The following NFU1 variants were observed in gnomAD, a reference collection of about 807,000 sequenced individuals.
NFU1 encodes NFU1 iron-sulfur cluster scaffold, also known as NFU1 iron-sulfur cluster scaffold homolog, mitochondrial.
NFU1 carries 30 observed loss-of-function variants against 32.2 expected under a neutral mutation model. The ratio of observed to expected loss-of-function variants is 0.93; its 90% confidence interval spans 0.70 to 1.26. The LOEUF (loss-of-function observed/expected upper bound fraction) is 1.26. NFU1 is among the 50% of genes most tolerant of loss of function. The probability of loss-of-function intolerance (pLI) is 0.00; values close to 1 mark genes in which losing one functional copy is unlikely to be tolerated. For missense variants in NFU1, 306 were observed against 306.6 expected (o/e 1.00, Z 0.02); for synonymous variants, 112 against 104.6 (o/e 1.07, Z -0.43).
upstream of NFU1, among the ~76,000 whole-genome samples, chr2:69,438,641 T>C (rs543767956): frequency 5.3e-5 from 8 of 151,906 alleles, no homozygotes; most frequent in African/African-American, 1.7e-4. Context: ...AGAGGACTGG[T>C]TTCCAGAATG....
chr2:69,406,099 A>T lies in NFU1; in HGVS notation c.485-17T>A, dbSNP rs1414122448. ...CTTCAGATCCTAGAAATAATTACAT[A>T]TAAAAACATCAAGAGTAGAAATTTT... is the stretch of plus-strand genomic sequence containing the variant. On this transcript the variant is annotated splice_polypyrimidine_tract_variant and intron_variant, in intron 5 of 7. Transcript: ENST00000410022. The T allele has an allele frequency of 6.6e-7, 1 of 1,504,718 alleles. No homozygotes were observed. Among genetic ancestry groups the T allele is most frequent in the South Asian group, 1.1e-5 (1 of 88,802 alleles). 93.2% of individuals were successfully genotyped at this position (1,504,718 alleles called of 1,614,324 possible).
At chr2:69,427,434 C>A (rs1196652232) in intron 2 of NFU1, among the ~76,000 whole-genome samples, 1 of 151,762 alleles carries the variant, frequency 6.6e-6, no homozygotes, top group Non-Finnish European at 1.5e-5. Context: ...GTAATCTCAG[C>A]ACTTTGGGAG....
intron 1 of NFU1, among the ~76,000 whole-genome samples, chr2:69,437,013 C>A (rs140520955): frequency 6.6e-6 from 1 of 152,228 alleles, no homozygotes; most frequent in African/African-American, 2.4e-5. Flanking sequence ...GGAGGGAATG[C>A]ACCCGGTAGA....
intron 1 of NFU1, among the ~76,000 whole-genome samples, chr2:69,433,662 GACAGGGTTTC>G (rs1393311962): frequency 6.6e-5 from 10 of 152,186 alleles, no homozygotes; most frequent in African/African-American, 2.2e-4. Context: ...TTTTAGTAGA[GACAGGGTTTC>G]ACCACGTTGG....
intron 6 of NFU1, among the ~76,000 whole-genome samples, chr2:69,401,272 A>T (rs1672514551): frequency 6.6e-6 from 1 of 152,132 alleles, no homozygotes; most frequent in Non-Finnish European, 1.5e-5. Flanking sequence ...CCACAACAAA[A>T]ATGCTGCCAT....
chr2:69,412,095 G>A (rs1362917460), intron 5 of NFU1, among the ~76,000 whole-genome samples: 1 of 152,008 alleles, frequency 6.6e-6, no homozygotes, highest in African/African-American at 2.4e-5. Context: ...TCTGTCACTA[G>A]GCTGGAGTGC....
At chr2:69,405,247 C>A (rs934044566) in intron 6 of NFU1, among the ~76,000 whole-genome samples, 5 of 151,950 alleles carry the variant, frequency 3.3e-5, no homozygotes, top group African/African-American at 7.3e-5. Flanking sequence ...TAAAAAAAAA[C>A]CAAAAACTAT....
chr2:69,410,493 A>G (rs1672844135), intron 5 of NFU1, among the ~76,000 whole-genome samples: 1 of 152,214 alleles, frequency 6.6e-6, no homozygotes, highest in African/African-American at 2.4e-5. Flanking sequence ...GCCACTTACT[A>G]CCTGTGTGAC....
chr2:69,400,748 TA>T (rs923290291), intron 6 of NFU1, among the ~76,000 whole-genome samples: 1 of 152,054 alleles, frequency 6.6e-6, no homozygotes, highest in Non-Finnish European at 1.5e-5. Context: ...AATTCACTCA[TA>T]CAAATATTTC....
chr2:69,438,857 C>T (rs895288206), upstream of NFU1, among the ~76,000 whole-genome samples: 1 of 119,080 alleles, frequency 8.4e-6, no homozygotes, highest in Non-Finnish European at 1.5e-5. Context: ...GTGATCTTCC[C>T]CCATCCAACC....
chr2:69,433,161 A>C (rs1222974547), intron 1 of NFU1, among the ~76,000 whole-genome samples: 2 of 151,290 alleles, frequency 1.3e-5, no homozygotes, highest in Non-Finnish European at 2.9e-5. Context: ...AAAAAAAAAA[A>C]AAAAAAAAGT....
At chr2:69,412,753 G>A (rs545203621) in intron 5 of NFU1, among the ~76,000 whole-genome samples, 2 of 151,258 alleles carry the variant, frequency 1.3e-5, no homozygotes, top group African/African-American at 4.9e-5. Context: ...AGCTACTTGG[G>A]AGACAGAGGC....
chr2:69,416,319 TAATAAAAATTA>T (rs1558827953), intron 4 of NFU1: 2 of 146,442 alleles, frequency 1.4e-5, no homozygotes, highest in African/African-American at 4.9e-5. Flanking sequence ...AATTTATAAT[TAATAAAAATTA>T]ATATTTAATT....
chr2:69,407,040 C>T (rs764395234), intron 5 of NFU1, among the ~76,000 whole-genome samples: 9 of 152,122 alleles, frequency 5.9e-5, no homozygotes, highest in Non-Finnish European at 1.2e-4. Flanking sequence ...ATGATTGTAA[C>T]TTTCCTAAGG....
In NFU1 at chr2:69,406,032, T is replaced by C; in HGVS notation, c.535A>G (p.Thr179Ala). The C allele has an allele frequency of 6.3e-7, 1 of 1,597,612 alleles. No homozygotes were observed. The highest frequency in any genetic ancestry group is 8.6e-7 in the Non-Finnish European group (1 of 1,166,020). The change falls in exon 6 of 8, where the codon ACT becomes GCT. Residue 179 changes from threonine (T) to alanine (A), a missense_variant. Transcript: ENST00000410022. Reference protein sequence around the residue: ...VVAMIKELLDTRIRPTVQEDG... With the variant: ...VVAMIKELLDARIRPTVQEDG... The stretch of plus-strand genomic sequence containing the variant: ...GAGAGGAGCACGTACCGTATTCTAG[T>C]ATCTAACAATTCCTTAATCATTGCC...
intron 2 of NFU1, among the ~76,000 whole-genome samples, chr2:69,427,456 T>C (rs1327573857): frequency 6.7e-6 from 1 of 148,872 alleles, no homozygotes; most frequent in Non-Finnish European, 1.5e-5. Context: ...TAAAGGCAGG[T>C]GGATCACAAG....
chr2:69,429,932 G>T, intron 2 of NFU1: 1 of 281,478 alleles, frequency 3.6e-6, no homozygotes, highest in Non-Finnish European at 7.2e-6. Flanking sequence ...GGGAGACTGA[G>T]GTGGGAGGAT....
intron 3 of NFU1, among the ~76,000 whole-genome samples, chr2:69,420,829 T>C (rs1274344709): frequency 1.3e-5 from 2 of 152,188 alleles, no homozygotes; most frequent in African/African-American, 4.8e-5. Context: ...TTATCTATTG[T>C]AAGGGTGAAA....
At chr2:69,416,278 A>G (rs1046139137) in intron 4 of NFU1, 1 of 148,560 alleles carries the variant, frequency 6.7e-6, no homozygotes, top group African/African-American at 2.5e-5. Context: ...TCATTAATTC[A>G]TTCACTTATT....
Sources: allele counts gnomAD v4.1 joint callset (sites outside exome capture counted in the v4.1 genomes callset), GRCh38; gene constraint gnomAD v4.1.1; transcripts MANE v1.5; gene names NCBI Gene and HGNC (gene_info 2026-07-23, HGNC 2026-07-21).